PTPRG: variants seen among roughly 807,000 people sequenced by gnomAD.
PTPRG encodes the protein protein tyrosine phosphatase receptor type G.
Under a neutral mutation model 165.3 loss-of-function variants are expected in PTPRG, and 102 were observed. The ratio of observed to expected loss-of-function variants is 0.62; its 90% CI spans 0.53 to 0.73. PTPRG has a LOEUF of 0.73. Ranked by LOEUF, PTPRG falls within the 30% of genes least tolerant of loss-of-function variation. The pLI, the probability that PTPRG is intolerant of heterozygous loss-of-function variation, is 0.00. For synonymous variants in PTPRG, 675 were observed against 669.5 expected (o/e 1.01, Z -0.13); for missense variants, 1,866 against 1,861.4 (o/e 1.00, Z -0.05).
rs1347542295 is a variant in PTPRG, at chr3:62,271,733, C to T, written c.3182+178C>T. 1.3e-5 allele frequency among the ~76,000 whole-genome samples: 2 copies of T among 152,154 alleles called. No individual in the cohort carries two copies. The highest frequency in any genetic ancestry group is 1.9e-4 in the East Asian group (1 of 5,196). On this transcript the variant is annotated intron_variant, in intron 21 of 29. Coordinates refer to ENST00000474889, the MANE Select transcript of PTPRG (RefSeq NM_002841.4). This position sits in a 1 kb window ranked among gnomAD's most constrained non-coding sequence, Gnocchi z 4.1. Reference sequence around the variant, plus strand: ...CTCTATTCCTGTAACATTAAGAAATCATCTGCTGCTTCTGTGATTTTTAAA... The same window carrying T: ...CTCTATTCCTGTAACATTAAGAAATTATCTGCTGCTTCTGTGATTTTTAAA...
At chr3:61,706,831 T>G (rs899735366) in intron 1 of PTPRG, among the ~76,000 whole-genome samples, 1 of 152,100 alleles carries the variant, frequency 6.6e-6, no homozygotes, top group Non-Finnish European at 1.5e-5. Flanking sequence ...AAGCAATATA[T>G]GAATACATTG....
intron 2 of PTPRG, among the ~76,000 whole-genome samples, chr3:61,959,237 A>C (rs1266008078): frequency 2.0e-5 from 3 of 152,088 alleles, no homozygotes; most frequent in African/African-American, 7.2e-5. Context: ...TCAAGAGTCC[A>C]CCTGTGTTAG....
At chr3:61,691,180 A>C (rs2030181596) in intron 1 of PTPRG, among the ~76,000 whole-genome samples, 1 of 152,158 alleles carries the variant, frequency 6.6e-6, no homozygotes, top group African/African-American at 2.4e-5. Flanking sequence ...TGAGAGGCTG[A>C]AGTGGGAGGA....
Position 61,567,793 on chromosome 3 carries a change from G to A in PTPRG, c.85+5421G>A, listed in dbSNP as rs1699953241. On this transcript the variant is annotated intron_variant, in intron 1 of 29. Coordinates refer to ENST00000474889, the MANE Select transcript of PTPRG (RefSeq NM_002841.4). ...AGCCCAGGAGTTCAAGACCAGCCAT[G>A]TGCAACATGGTGAGACCTCATCTCT... 2.6e-5 allele frequency among the ~76,000 whole-genome samples: 4 copies of A among 151,914 alleles called. No homozygotes were observed. In the South Asian group the frequency reaches 8.3e-4, roughly 32 times the overall value.
chr3:61,742,422 T>TTTGAAATGGTAA, intron 1 of PTPRG: 1 of 1,316,848 alleles, frequency 7.6e-7, no homozygotes, highest in Non-Finnish European at 1.0e-6. Context: ...TTTTTTTTTT[T>TTTGAAATGGTAA]TGAACTGGTA....
In PTPRG at chr3:61,768,848, A is replaced by G. The variant is rs930758048; in HGVS notation, c.190+19866A>G. 2.6e-5 allele frequency among the ~76,000 whole-genome samples: 4 copies of G among 152,260 alleles called. No individual in the cohort carries two copies. The South Asian group carries it at 8.3e-4, about 32-fold the overall frequency. ...CTCCTGAGTTGGCTCAGTGTCTACT[A>G]TCATAATGATTTCCCCACAGCTTTA... On this transcript the variant is annotated intron_variant, in intron 2 of 29. Transcript: ENST00000474889.
intron 2 of PTPRG, among the ~76,000 whole-genome samples, chr3:61,888,980 A>G (rs753976488): frequency 1.3e-4 from 20 of 152,146 alleles, no homozygotes; most frequent in Admixed American, 5.9e-4. Context: ...ATTATTAGTG[A>G]TATTGTGTTT....
intron 6 of PTPRG, among the ~76,000 whole-genome samples, chr3:62,133,749 C>A: frequency 6.6e-6 from 1 of 152,090 alleles, no homozygotes; most frequent in East Asian, 1.9e-4. Flanking sequence ...CTTTGGGAGG[C>A]CGAAGTGGGT....
At chr3:61,926,749 C>G (rs1224327262) in intron 2 of PTPRG, among the ~76,000 whole-genome samples, 1 of 151,952 alleles carries the variant, frequency 6.6e-6, no homozygotes, top group Non-Finnish European at 1.5e-5. Context: ...GTAGTGATAT[C>G]TCAGATTTAA....
intron 16 of PTPRG, chr3:62,261,039 A>G (rs1196434997): frequency 1.3e-5 from 2 of 152,188 alleles, no homozygotes; most frequent in Non-Finnish European, 2.9e-5. Flanking sequence ...GTCTTGGTCA[A>G]TTGCATTATA....
chr3:61,748,288 T>G (rs624755), intron 1 of PTPRG, among the ~76,000 whole-genome samples: 60,810 of 151,906 alleles, frequency 0.4, 12,409 homozygotes, highest in Non-Finnish European at 0.44. Flanking sequence ...ATGCAGGGAT[T>G]CTTAAGTCTG....
At chr3:62,243,289 C>T (rs1200462249) in intron 14 of PTPRG, among the ~76,000 whole-genome samples, 2 of 152,168 alleles carry the variant, frequency 1.3e-5, no homozygotes, top group Non-Finnish European at 2.9e-5. Flanking sequence ...TGAGTGCTTG[C>T]CTTCCTGAAG....
intron 2 of PTPRG, among the ~76,000 whole-genome samples, chr3:61,982,846 T>C (rs1007568330): frequency 6.6e-6 from 1 of 152,140 alleles, no homozygotes; most frequent in Non-Finnish European, 1.5e-5. Flanking sequence ...AGACAGATAA[T>C]GGTATTAAAA....
At chr3:62,139,959 A>G (rs1003089743) in intron 6 of PTPRG, among the ~76,000 whole-genome samples, 5 of 152,054 alleles carry the variant, frequency 3.3e-5, no homozygotes, top group Admixed American at 2.0e-4. Flanking sequence ...TATCTGAGAA[A>G]CTCCACATCA....
intron 2 of PTPRG, among the ~76,000 whole-genome samples, chr3:61,936,790 A>G (rs530776285): frequency 2.6e-5 from 4 of 152,338 alleles, no homozygotes; most frequent in Admixed American, 2.6e-4. Context: ...ACACATGAAG[A>G]GAATTACCAG....
At chr3:61,908,742 A>G (rs935417836) in intron 2 of PTPRG, among the ~76,000 whole-genome samples, 2 of 152,206 alleles carry the variant, frequency 1.3e-5, no homozygotes, top group Non-Finnish European at 2.9e-5. Flanking sequence ...GTTACCACCA[A>G]TCTACATAAA....
intron 1 of PTPRG, among the ~76,000 whole-genome samples, chr3:61,625,774 A>G (rs115061766): frequency 0.02 from 3,048 of 152,308 alleles, 48 homozygotes; most frequent in Non-Finnish European, 0.033. Flanking sequence ...TTCAGCCTCC[A>G]ACATAAGCTC....
intron 2 of PTPRG, among the ~76,000 whole-genome samples, chr3:61,866,458 G>A (rs1468610020): frequency 6.6e-6 from 1 of 152,072 alleles, no homozygotes; most frequent in Non-Finnish European, 1.5e-5. Flanking sequence ...ACCAGAAGGA[G>A]AAAGCAAGGG....
chr3:61,652,812 C>G lies in PTPRG; in HGVS notation c.85+90440C>G, dbSNP rs567774666. Among the ~76,000 whole-genome samples the G allele has an allele frequency of 4.4e-4, 67 of 152,280 alleles. 4 individuals are homozygous for G. In the South Asian group the frequency reaches 0.014, roughly 31 times the overall value. The stretch of plus-strand genomic sequence containing the variant: ...TAGCATCCTCCTAAGTTGGAACATC[C>G]AGGGGTAGTCAAATGCCTTCTGGCA... On this transcript the variant is annotated intron_variant, in intron 1 of 29. Transcript: ENST00000474889.
Sources: gnomAD v4.1 joint callset for allele counts (sites outside exome capture counted in the v4.1 genomes callset) on GRCh38, gnomAD v4.1.1 for gene constraint, Gnocchi (gnomAD v3.1) non-coding constraint, MANE v1.5 for transcripts, NCBI Gene and HGNC (gene_info 2026-07-23, HGNC 2026-07-21) for gene names.